Variants in IMPG1 observed in about 807,000 individuals in gnomAD.
IMPG1 encodes the protein interphotoreceptor matrix proteoglycan 1.
A neutral mutation model predicts 92.0 loss-of-function variants in IMPG1; 85 were observed. The ratio of observed to expected loss-of-function variants is 0.92; its 90% CI spans 0.78 to 1.11. IMPG1 has a LOEUF of 1.11. Ranked by LOEUF, IMPG1 falls within the 50% of genes least tolerant of loss-of-function variation. IMPG1 has a pLI of 0.00. For missense variants in IMPG1, 1,022 were observed against 956.0 expected (o/e 1.07, Z -0.91); for synonymous variants, 367 against 334.1 (o/e 1.10, Z -1.08).
chr6:75,936,195 C>G (rs962580445), intron 14 of IMPG1, among the ~76,000 whole-genome samples: 17 of 152,224 alleles, frequency 1.1e-4, no homozygotes, highest in Non-Finnish European at 2.4e-4. Flanking sequence ...CTTTTCTCTT[C>G]CATAGAATGG....
At chr6:75,961,687 C>A (rs2149461902) in intron 12 of IMPG1, among the ~76,000 whole-genome samples, 1 of 152,114 alleles carries the variant, frequency 6.6e-6, no homozygotes, top group Non-Finnish European at 1.5e-5. Flanking sequence ...GAGAATAGAC[C>A]TGAAGGAGAT....
At chr6:75,981,127 T>C (rs1296876432) in intron 12 of IMPG1, among the ~76,000 whole-genome samples, 3 of 152,220 alleles carry the variant, frequency 2.0e-5, no homozygotes, top group Non-Finnish European at 4.4e-5. Context: ...ATTTTTCTTC[T>C]GCCCTCAAGC....
At chr6:75,989,035 T>TGGTCTTCTTCCTCC (rs1376955281) in intron 12 of IMPG1, among the ~76,000 whole-genome samples, 8 of 152,110 alleles carry the variant, frequency 5.3e-5, no homozygotes, top group Non-Finnish European at 1.0e-4. Flanking sequence ...TTCCTTCCTC[T>TGGTCTTCTTCCTCC]GGTCTTCTTC....
intron 12 of IMPG1, among the ~76,000 whole-genome samples, chr6:75,965,440 C>T (rs1450108794): frequency 2.0e-5 from 3 of 151,150 alleles, no homozygotes; most frequent in African/African-American, 7.3e-5. Flanking sequence ...TTGGACTTCC[C>T]TAATAAATAA....
chr6:76,049,211 G>A (rs920327820), intron 1 of IMPG1, among the ~76,000 whole-genome samples: 4 of 152,134 alleles, frequency 2.6e-5, no homozygotes, highest in Admixed American at 2.6e-4. Context: ...GGTGGTTGGA[G>A]GGAGAGGATC....
chr6:76,046,285 T>C (rs528119432), intron 1 of IMPG1, among the ~76,000 whole-genome samples: 1 of 150,096 alleles, frequency 6.7e-6, no homozygotes, highest in Non-Finnish European at 1.5e-5. Flanking sequence ...AACAGTTTAA[T>C]TAAATAAATT....
At chr6:76,041,787 G>T in intron 2 of IMPG1, 106 bp downstream of exon 2, 3 of 699,418 alleles carry the variant, frequency 4.3e-6, no homozygotes, top group Non-Finnish European at 5.0e-6. Flanking sequence ...AATTCTTGTG[G>T]CTAAATGACA....
At chr6:76,038,504 C>T (rs1048827645) in intron 2 of IMPG1, among the ~76,000 whole-genome samples, 2 of 152,104 alleles carry the variant, frequency 1.3e-5, no homozygotes, top group African/African-American at 4.8e-5. Flanking sequence ...AATCACCAGC[C>T]CACTTACCCA....
chr6:75,948,338 A>T (rs1230355726), intron 13 of IMPG1, among the ~76,000 whole-genome samples: 1 of 151,666 alleles, frequency 6.6e-6, no homozygotes, highest in Non-Finnish European at 1.5e-5. Context: ...AAACTCAGTG[A>T]TGTTCACCTT....
At chr6:76,059,560 G>T (rs1477843785) in intron 1 of IMPG1, among the ~76,000 whole-genome samples, 2 of 152,136 alleles carry the variant, frequency 1.3e-5, no homozygotes, top group African/African-American at 4.8e-5. Flanking sequence ...GCAGAGGAAA[G>T]TTGGCTTTTG....
At chr6:75,956,146 T>G (rs11755533) in intron 12 of IMPG1, among the ~76,000 whole-genome samples, 10,441 of 152,232 alleles carry the variant, frequency 0.069, 434 homozygotes, top group South Asian at 0.11. Flanking sequence ...CTTTTTCTAT[T>G]GTTTGGAATA....
intron 16 of IMPG1, among the ~76,000 whole-genome samples, chr6:75,923,388 G>A (rs1287082767): frequency 6.6e-6 from 1 of 152,024 alleles, no homozygotes; most frequent in Non-Finnish European, 1.5e-5. Flanking sequence ...TATAAGAAAA[G>A]ATTGGAAATA....
chr6:75,937,182 C>T (rs1172964420), intron 14 of IMPG1, among the ~76,000 whole-genome samples: 1 of 151,940 alleles, frequency 6.6e-6, no homozygotes, highest in Non-Finnish European at 1.5e-5. Flanking sequence ...CCTATGACTG[C>T]TCCAGCTGGA....
At chr6:76,009,058 T>G (rs2149479034) in intron 8 of IMPG1, among the ~76,000 whole-genome samples, 1 of 152,348 alleles carries the variant, frequency 6.6e-6, no homozygotes, top group South Asian at 2.1e-4. Context: ...AGTTCATTTC[T>G]TTGTTGAGAA....
chr6:75,926,391 G>A (rs888884840), intron 15 of IMPG1, among the ~76,000 whole-genome samples: 1 of 152,072 alleles, frequency 6.6e-6, no homozygotes, highest in African/African-American at 2.4e-5. Context: ...CTATCCAGAG[G>A]GAAAAAAACT....
chr6:75,939,076 C>A (rs1184933485), intron 14 of IMPG1, among the ~76,000 whole-genome samples: 5 of 152,160 alleles, frequency 3.3e-5, no homozygotes, highest in Non-Finnish European at 7.4e-5. Context: ...TGGGCTCAAG[C>A]AATCCACCTG....
chr6:75,928,810 CAA>C (rs1781609434), intron 15 of IMPG1, among the ~76,000 whole-genome samples: 2 of 152,194 alleles, frequency 1.3e-5, no homozygotes, highest in African/African-American at 4.8e-5. Flanking sequence ...TTGTGACTGA[CAA>C]AATGGCAGTG....
rs559836618 is a variant in IMPG1, at chr6:75,955,692, A to T, written c.1292-4598T>A. Among the ~76,000 whole-genome samples, 9 of 152,320 alleles carry T rather than the reference A, an allele frequency of 5.9e-5. No individual in the cohort carries two copies. In the South Asian group the frequency reaches 1.9e-3, roughly 32 times the overall value. On this transcript the variant is annotated intron_variant, in intron 12 of 16. Transcript: ENST00000369950. ...CATCTTGTGCCAGTTTTCAAAGGGA[A>T]TGCTTCCATCTTTTGCCCATTCAGT...
At chr6:76,060,760 G>A (rs1260204925) in intron 1 of IMPG1, among the ~76,000 whole-genome samples, 2 of 152,138 alleles carry the variant, frequency 1.3e-5, no homozygotes, top group Non-Finnish European at 1.5e-5. Flanking sequence ...CACGACTGCA[G>A]AGGTCTTTTC....
Sources: allele counts gnomAD v4.1 joint callset (sites outside exome capture counted in the v4.1 genomes callset), GRCh38; gene constraint gnomAD v4.1.1; transcripts MANE v1.5; gene names NCBI Gene and HGNC (gene_info 2026-07-23, HGNC 2026-07-21).